Variants in SELP observed in about 807,000 individuals in gnomAD.
SELP encodes P-selectin.
Under a neutral mutation model 104.1 loss-of-function variants are expected in SELP, and 92 were observed. That is an observed-to-expected ratio of 0.88 (90% CI 0.75 to 1.05). The LOEUF (loss-of-function observed/expected upper bound fraction) is 1.05. SELP is among the 50% of genes least tolerant of loss of function. SELP has a pLI of 0.00. For synonymous variants in SELP, 397 were observed against 364.5 expected, an observed-to-expected ratio of 1.09 and a Z score of -1.01; for missense variants, 1,022 against 1,017.3, an observed-to-expected ratio of 1.00 and a Z score of -0.06.
chr1:169,629,457 C>T (rs1663529465), intron 1 of SELP, among the ~76,000 whole-genome samples: 1 of 152,170 alleles, frequency 6.6e-6, no homozygotes, highest in African/African-American at 2.4e-5. Context: ...AGTATTATTA[C>T]TATATCCATT....
intron 1 of SELP, among the ~76,000 whole-genome samples, chr1:169,622,184 T>A (rs551101927): frequency 1.3e-5 from 2 of 152,242 alleles, no homozygotes; most frequent in African/African-American, 4.8e-5. Flanking sequence ...AATATTGGTA[T>A]AGGTATTAAG....
At chr1:169,590,067 A>G in intron 16 of SELP, 80 bp downstream of exon 16, 2 of 974,222 alleles carry the variant, frequency 2.1e-6, no homozygotes, top group South Asian at 1.5e-5. Flanking sequence ...ATGATTATGT[A>G]AAGAAAAGTT....
intron 13 of SELP, 51 bp from the exon 14 acceptor site, chr1:169,593,775 A>T: frequency 6.3e-7 from 1 of 1,590,648 alleles, no homozygotes; most frequent in Non-Finnish European, 8.6e-7. Flanking sequence ...TATTATGCAA[A>T]AGACTAGTCT....
chr1:169,590,578 T>C (rs936586821), intron 15 of SELP, among the ~76,000 whole-genome samples: 1 of 74,780 alleles, frequency 1.3e-5, no homozygotes, highest in Non-Finnish European at 2.2e-5. Flanking sequence ...TTTTGATTTT[T>C]ATAACCAAGA....
intron 13 of SELP, 135 bp from the exon 14 acceptor site, chr1:169,593,859 G>T: frequency 1.3e-6 from 1 of 779,568 alleles, no homozygotes; most frequent in Non-Finnish European, 2.0e-6. Flanking sequence ...TGGGAATGCT[G>T]ACAAGCTAAC....
At chr1:169,625,863 T>C (rs1000666933) in intron 1 of SELP, among the ~76,000 whole-genome samples, 1 of 152,036 alleles carries the variant, frequency 6.6e-6, no homozygotes, top group Non-Finnish European at 1.5e-5. Context: ...GAGAAGACAA[T>C]GAAACAAATA....
intron 1 of SELP, among the ~76,000 whole-genome samples, chr1:169,623,273 A>C (rs3917676): frequency 0.044 from 6,665 of 152,182 alleles, 205 homozygotes; most frequent in East Asian, 0.13. Flanking sequence ...CCCTGAACAG[A>C]GTATTTCTAG....
chr1:169,590,114 T>G (rs1166405798), intron 16 of SELP, 33 bp downstream of exon 16: 23 of 1,496,964 alleles, frequency 1.5e-5, no homozygotes, highest in Non-Finnish European at 2.0e-5. Flanking sequence ...TAGTGTTCTA[T>G]TTCCTTCAAA....
rs1380022518 is a variant in SELP at position 169,613,088 on chromosome 1, G to A, written c.616C>T (p.Pro206Ser). The A allele has an allele frequency of 1.9e-6, 3 of 1,608,384 alleles. No homozygotes were observed. The highest frequency in any genetic ancestry group is 1.7e-6 in the Non-Finnish European group (2 of 1,176,970). Reference protein sequence around the residue: ...YVRECGELELPQHVLMNCSHP... With the variant: ...YVRECGELELSQHVLMNCSHP... ...CTGCAGTTCATGAGCACGTGTTGAG[G>A]GAGCTCAAGTTCTCCACACTCTCTC... The change falls in exon 5 of 17, where the codon CCT becomes TCT. Residue 206 changes from proline to serine, a missense_variant. By Grantham distance (74) the Pro-to-Ser change is moderately conservative (BLOSUM62 -1). Transcript: ENST00000263686.
intron 12 of SELP, 80 bp from the exon 13 acceptor site, chr1:169,594,957 A>G (rs965382640): frequency 1.0e-5 from 13 of 1,299,178 alleles, no homozygotes; most frequent in Non-Finnish European, 1.4e-5. Context: ...GTAACCTAAC[A>G]TTGCCAATAA....
intron 11 of SELP, 141 bp downstream of exon 11, chr1:169,596,850 A>T: frequency 1.6e-6 from 1 of 634,292 alleles, no homozygotes; most frequent in African/African-American, 1.9e-5. Flanking sequence ...TAGACATTTT[A>T]AAATCCTTCA....
At position 169,596,109 on chromosome 1, in the gene SELP, C is replaced by G; in HGVS notation, c.1917G>C (p.Gly639=). The part of the protein sequence containing the change: ...CKGIASLPTP[G]VQCPALTTPG... Reference sequence around the variant, plus strand: ...GAGTGGTGAGGGCTGGACATTGCACCCCTGGAGTAGGAAGTGATGCTATGC... The same window carrying G: ...GAGTGGTGAGGGCTGGACATTGCACGCCTGGAGTAGGAAGTGATGCTATGC... The change falls in exon 12 of 17, where the codon GGG becomes GGC. Residue 639 remains glycine, a synonymous_variant. Coordinates refer to ENST00000263686, the MANE Select transcript of SELP (RefSeq NM_003005.4). 6.2e-6 allele frequency: 10 copies of G among 1,613,680 alleles called. No homozygotes were observed. The highest frequency in any genetic ancestry group is 7.6e-6 in the Non-Finnish European group (9 of 1,179,740).
At chr1:169,609,447 T>C in intron 8 of SELP, 57 bp downstream of exon 8, 1 of 1,517,462 alleles carries the variant, frequency 6.6e-7, no homozygotes, top group Non-Finnish European at 9.0e-7. Context: ...TCAGTGCAGA[T>C]GCTGATGCCT....
chr1:169,624,148 ATCT>A (rs1363727201), intron 1 of SELP, among the ~76,000 whole-genome samples: 3 of 152,166 alleles, frequency 2.0e-5, no homozygotes, highest in Admixed American at 6.5e-5. Flanking sequence ...ATGTTTAAAA[ATCT>A]TCTTTGAGTA....
intron 1 of SELP, among the ~76,000 whole-genome samples, chr1:169,623,055 AAG>A (rs978408435): frequency 6.6e-6 from 1 of 152,210 alleles, no homozygotes; most frequent in Non-Finnish European, 1.5e-5. Context: ...TCCACTTAGA[AAG>A]GTGTAAGAGG....
intron 1 of SELP, among the ~76,000 whole-genome samples, 165 bp from the exon 2 acceptor site, chr1:169,619,384 T>C (rs1473578641): frequency 6.6e-6 from 1 of 152,242 alleles, no homozygotes; most frequent in Non-Finnish European, 1.5e-5. Flanking sequence ...GCCCTGCTTC[T>C]AAGTTCTACC....
chr1:169,618,327 CTTCTT>C (rs1253440313), intron 2 of SELP, among the ~76,000 whole-genome samples: 4 of 152,176 alleles, frequency 2.6e-5, no homozygotes, highest in African/African-American at 9.7e-5. Context: ...AACTACTCTA[CTTCTT>C]CCATGTCTGA....
rs1223899521 is a variant in SELP at position 169,609,560 on chromosome 1, T to A, written c.1277A>T (p.Asp426Val). 2 of 1,613,898 alleles carry A rather than the reference T, an allele frequency of 1.2e-6. No homozygotes were observed. Among genetic ancestry groups the A allele is most frequent in the Non-Finnish European group, 1.7e-6 (2 of 1,179,994 alleles). Residue 426 changes from aspartate (D) to valine (V), a missense_variant, in exon 8 of 17, where the codon GAT becomes GTT. By Grantham distance (152) the Asp-to-Val change is radical (BLOSUM62 -3). Coordinates refer to ENST00000263686, the MANE Select transcript of SELP (RefSeq NM_003005.4). ...TCCCAAGTTATCACACCGAACTATA[T>A]CGGCTCCTCTCAGCATGAAACCTTC... Reference protein sequence around the residue: ...CAEGFMLRGADIVRCDNLGQW... With the variant: ...CAEGFMLRGAVIVRCDNLGQW...
chr1:169,592,087 A>T (rs1358621287), intron 14 of SELP, among the ~76,000 whole-genome samples: 1 of 152,224 alleles, frequency 6.6e-6, no homozygotes, highest in Non-Finnish European at 1.5e-5. Flanking sequence ...CATCAAGATT[A>T]GAGTGATTCC....
Sources: gnomAD v4.1 joint callset for allele counts (sites outside exome capture counted in the v4.1 genomes callset) on GRCh38, gnomAD v4.1.1 for gene constraint, MANE v1.5 for transcripts, NCBI Gene and HGNC (gene_info 2026-07-23, HGNC 2026-07-21) for gene names.